Variants in BCLAF1 observed in about 807,000 individuals in gnomAD.
BCLAF1 encodes BCL2 associated transcription factor 1.
In BCLAF1, 10 loss-of-function variants were observed where a neutral mutation model predicts 99.5. The observed-to-expected ratio is 0.10, with a 90% confidence interval of 0.06 to 0.17. BCLAF1 has a LOEUF of 0.17. BCLAF1 is among the 10% of genes least tolerant of loss of function. The pLI is 1.00. For synonymous variants in BCLAF1, 255 were observed against 370.9 expected, an observed-to-expected ratio of 0.69 and a Z score of 3.59; for missense variants, 636 against 1,105.8, an observed-to-expected ratio of 0.58 and a Z score of 6.02.
rs1346144810 is a variant in BCLAF1 at position 136,276,253 on chromosome 6, A to G, written c.1272T>C (p.Ala424=). ...CCTCAGTATTCCGGTGAGATGCAGT[A>G]GCAAAACTTTTACCCTGATCTGCGA... The part of the protein sequence containing the change: ...SVLADQGKSF[A]TASHRNTEEE... Residue 424 remains alanine, a synonymous_variant, in exon 5 of 13, where the codon GCT becomes GCC. Transcript: ENST00000531224. 2 of 1,605,556 alleles carry G rather than the reference A, an allele frequency of 1.2e-6. No individual in the cohort carries two copies. The highest frequency in any genetic ancestry group is 1.7e-6 in the Non-Finnish European group (2 of 1,176,912).
rs904721825 is a variant in BCLAF1 at position 136,260,960 on chromosome 6, A to G, written c.*150T>C. On this transcript the variant is annotated 3_prime_UTR_variant, in exon 13 of 13. Transcript: ENST00000531224. ...AACATACAGTCTACTATTTCTCAAGATATTTGAAGACTTAAAACAAAATTT... is the reference window on the plus strand; with the variant it reads ...AACATACAGTCTACTATTTCTCAAGGTATTTGAAGACTTAAAACAAAATTT... 12 of 756,402 alleles carry G rather than the reference A, an allele frequency of 1.6e-5. 1 individual carries two copies. In the East Asian group the frequency reaches 3.4e-4, roughly 22 times the overall value. The allele number at this position is 756,402 out of a possible 1,614,324, so 46.9% of individuals were successfully genotyped here.
chr6:136,281,343 A>T (rs1384505823), intron 2 of BCLAF1, among the ~76,000 whole-genome samples: 1 of 152,206 alleles, frequency 6.6e-6, no homozygotes, highest in Non-Finnish European at 1.5e-5. Flanking sequence ...CTTGTAGAAC[A>T]CAAATTTGGT....
In BCLAF1 at chr6:136,280,093, T is replaced by C. The variant is rs192419958; in HGVS notation, c.-10-217A>G. On this transcript the variant is annotated intron_variant, in intron 2 of 12. Coordinates refer to ENST00000531224, the MANE Select transcript of BCLAF1 (RefSeq NM_014739.3). ...AGGTACTGTCGATTAAAGACACAAC[T>C]GAAGATTTTTACGGACTGCCCCACT... 3.3e-5 allele frequency among the ~76,000 whole-genome samples: 5 copies of C among 152,254 alleles called. No individual in the cohort carries two copies. In the East Asian group the frequency reaches 5.8e-4, roughly 18 times the overall value.
chr6:136,263,312 G>C (rs1781271636), intron 11 of BCLAF1, among the ~76,000 whole-genome samples: 1 of 152,024 alleles, frequency 6.6e-6, no homozygotes, highest in African/African-American at 2.4e-5. Context: ...AGCAGAAATA[G>C]AAAAGCCAAG....
At position 136,276,063 on chromosome 6, in the gene BCLAF1, T is replaced by A; in HGVS notation, c.1462A>T (p.Ile488Leu). ...GACTGAGTTTCTTTCTTTACTGTTA[T>A]TCTTTCAGAATTTTTGTCTTCTTCT... ...HKEEDKNSER[I>L]TVKKETQSPE... Residue 488 changes from isoleucine (I) to leucine (L), a missense_variant, in exon 5 of 13, where the codon ATA (isoleucine) becomes TTA (leucine). Ile to Leu is a conservative substitution (Grantham distance 5, BLOSUM62 2). Transcript: ENST00000531224. 1.2e-6 allele frequency: 2 copies of A among 1,606,736 alleles called. No homozygotes were observed. Among genetic ancestry groups the A allele is most frequent in the Non-Finnish European group, 1.7e-6 (2 of 1,178,254 alleles).
rs1783176989 is a variant in BCLAF1 at position 136,275,600 on chromosome 6, G to A, written c.1784C>T (p.Pro595Leu). 1 of 1,595,328 alleles carries A rather than the reference G, an allele frequency of 6.3e-7. No individual in the cohort carries two copies. The highest frequency in any genetic ancestry group is 8.5e-7 in the Non-Finnish European group (1 of 1,172,624). Residue 595 changes from proline (P) to leucine (L), a missense_variant, in exon 6 of 13, where the codon CCA (proline) becomes CTA (leucine). By Grantham distance (98) the Pro-to-Leu change is moderately conservative (BLOSUM62 -3). Transcript: ENST00000531224. ...CTCTGAAGTGCTTTTGCTGGCCTGT[G>A]GCAACTTAATGTGGTCAAAGATGGA... is the stretch of plus-strand genomic sequence containing the variant. Reference protein sequence around the residue: ...FRSIFDHIKLPQASKSTSESF... With the variant: ...FRSIFDHIKLLQASKSTSESF...
chr6:136,286,558 T>C (rs570043658), intron 1 of BCLAF1, among the ~76,000 whole-genome samples: 13 of 152,366 alleles, frequency 8.5e-5, no homozygotes, highest in African/African-American at 2.9e-4. Context: ...AACCCTTGTT[T>C]AGGCAGCCTT....
Position 136,267,021 on chromosome 6 carries a change from A to C in BCLAF1, c.2544+8T>G. The C allele has an allele frequency of 6.2e-7, 1 of 1,612,516 alleles. No individual in the cohort carries two copies. Among genetic ancestry groups the C allele is most frequent in the Non-Finnish European group, 8.5e-7 (1 of 1,179,018 alleles). On this transcript the variant is annotated splice_region_variant and intron_variant, in intron 11 of 12. Coordinates refer to ENST00000531224, the MANE Select transcript of BCLAF1 (RefSeq NM_014739.3). ...CAAACCAAATAAACACAGATGTCTA[A>C]CACCCACCAAGAAGTACTTCTTGCT...
chr6:136,262,575 A>G (rs1781158336), intron 11 of BCLAF1, among the ~76,000 whole-genome samples: 1 of 152,206 alleles, frequency 6.6e-6, no homozygotes, highest in African/African-American at 2.4e-5. Context: ...ATGAAAGAGA[A>G]CTTACCAACT....
chr6:136,270,167 C>G (rs140113787), intron 8 of BCLAF1, among the ~76,000 whole-genome samples: 2 of 151,434 alleles, frequency 1.3e-5, no homozygotes, highest in Non-Finnish European at 3.0e-5. Context: ...ATAACATGCA[C>G]GTAAAATATT....
intron 4 of BCLAF1, 61 bp from the exon 5 acceptor site, chr6:136,276,569 A>G (rs1344735840): frequency 6.0e-6 from 9 of 1,501,938 alleles, no homozygotes; most frequent in African/African-American, 2.8e-5. Flanking sequence ...GATCGCTTCC[A>G]TATTTAAATG....
chr6:136,260,791 G>C lies in BCLAF1; in HGVS notation c.*319C>G, dbSNP rs1006967937. ...GACAAACAGGGAAGGAAGAGAATCAGAACTTTCACAGAGCTGTACTTGACC... is the reference window on the plus strand; with the variant it reads ...GACAAACAGGGAAGGAAGAGAATCACAACTTTCACAGAGCTGTACTTGACC... On this transcript the variant is annotated 3_prime_UTR_variant, in exon 13 of 13. Transcript: ENST00000531224. 1.3e-5 allele frequency: 5 copies of C among 383,356 alleles called. No individual in the cohort carries two copies. The highest frequency in any genetic ancestry group is 2.3e-5 in the Non-Finnish European group (5 of 216,130). 23.7% of individuals were successfully genotyped at this position (383,356 alleles called of 1,614,324 possible).
intron 11 of BCLAF1, among the ~76,000 whole-genome samples, chr6:136,265,528 T>G (rs934612250): frequency 8.5e-5 from 13 of 152,286 alleles, no homozygotes; most frequent in African/African-American, 2.9e-4. Flanking sequence ...TAAACTCTGC[T>G]TAAAACTCTA....
Position 136,278,190 on chromosome 6 carries a change from G to A in BCLAF1, c.691C>T (p.Pro231Ser), listed in dbSNP as rs764315416. 2 of 1,614,002 alleles carry A rather than the reference G, an allele frequency of 1.2e-6. No individual in the cohort carries two copies. Among genetic ancestry groups the A allele is most frequent in the Non-Finnish European group, 1.7e-6 (2 of 1,179,922 alleles). ...NSPRSPHSPS[P>S]IATPPSQSSS... ...CTCTGACTAGGTGGTGTAGCAATAG[G>A]TGAAGGACTATGGGGTGATCTAGGA... Residue 231 changes from proline (P) to serine (S), a missense_variant, in exon 4 of 13, where the codon CCT becomes TCT. Pro to Ser is a moderately conservative substitution (Grantham distance 74). Transcript: ENST00000531224.
At chr6:136,272,390 A>C (rs533574768) in intron 7 of BCLAF1, among the ~76,000 whole-genome samples, 5 of 152,084 alleles carry the variant, frequency 3.3e-5, no homozygotes, top group South Asian at 2.1e-4. Flanking sequence ...AGCATCAACA[A>C]ACACACATGA....
At chr6:136,285,034 G>A (rs2128492008) in intron 1 of BCLAF1, among the ~76,000 whole-genome samples, 1 of 152,286 alleles carries the variant, frequency 6.6e-6, no homozygotes, top group East Asian at 1.9e-4. Context: ...TAAGAAGGTT[G>A]AGACAACGTG....
intron 2 of BCLAF1, among the ~76,000 whole-genome samples, chr6:136,281,713 T>A (rs1459382566): frequency 6.6e-6 from 1 of 152,210 alleles, no homozygotes; most frequent in Non-Finnish European, 1.5e-5. Flanking sequence ...TGTGTTGTGC[T>A]GTATCTCCAG....
intron 1 of BCLAF1, among the ~76,000 whole-genome samples, chr6:136,283,791 G>C (rs1315686961): frequency 6.6e-6 from 1 of 152,148 alleles, no homozygotes; most frequent in Non-Finnish European, 1.5e-5. Context: ...ACTGGGGAGA[G>C]ATTTGAGGTT....
chr6:136,277,775 T>C, intron 4 of BCLAF1, 90 bp downstream of exon 4: 26 of 1,436,662 alleles, frequency 1.8e-5, no homozygotes, highest in Non-Finnish European at 2.3e-5. Flanking sequence ...GCTAGTTAAA[T>C]ACATATCACA....
Sources: gnomAD v4.1 joint callset for allele counts (sites outside exome capture counted in the v4.1 genomes callset) on GRCh38, gnomAD v4.1.1 for gene constraint, MANE v1.5 for transcripts, NCBI Gene and HGNC (gene_info 2026-07-23, HGNC 2026-07-21) for gene names.